RAP1GAP2: variants seen among roughly 807,000 people sequenced by gnomAD.
RAP1GAP2 encodes the protein RAP1 GTPase activating protein 2, also known as rap1 GTPase-activating protein 2.
In RAP1GAP2, 27 loss-of-function variants were observed where a neutral mutation model predicts 95.0. The observed-to-expected ratio is 0.28, with a 90% CI of 0.21 to 0.39. The LOEUF is 0.39. Ranked by LOEUF, RAP1GAP2 falls within the 10% of genes least tolerant of loss-of-function variation. RAP1GAP2 has a pLI of 1.00. For missense variants in RAP1GAP2, 771 were observed against 970.0 expected (o/e 0.79, Z 2.72); for synonymous variants, 373 against 380.9 (o/e 0.98, Z 0.24).
At position 3,003,510 on chromosome 17, in the gene RAP1GAP2, C is replaced by T. The variant is rs754996506; in HGVS notation, c.1201-1859C>T. Among the ~76,000 whole-genome samples, 2 of 152,120 alleles carry T rather than the reference C, an allele frequency of 1.3e-5. No individual in the cohort carries two copies. Among genetic ancestry groups the T allele is most frequent in the South Asian group, 4.1e-4 (2 of 4,826 alleles). On this transcript the variant is annotated intron_variant, in intron 14 of 24. Coordinates refer to ENST00000254695, the MANE Select transcript of RAP1GAP2 (RefSeq NM_015085.5). This position sits in a 1 kb window ranked among gnomAD's most constrained non-coding sequence, Gnocchi z 4.1. ...CGACTTGTCTGTTGCTCGGACGATG[C>T]TCTGTGTGCCACCGCGGCTCCCAGG...
At chr17:2,944,975 C>T (rs570826897) in intron 3 of RAP1GAP2, among the ~76,000 whole-genome samples, 3 of 152,190 alleles carry the variant, frequency 2.0e-5, no homozygotes, top group South Asian at 2.1e-4. Context: ...CTCTGTCTCC[C>T]GGGTTCACGT....
At chr17:2,920,830 G>T (rs953005058) in intron 3 of RAP1GAP2, among the ~76,000 whole-genome samples, 17 of 152,160 alleles carry the variant, frequency 1.1e-4, no homozygotes, top group African/African-American at 4.1e-4. Flanking sequence ...ACTGAGACCG[G>T]CTCAGCAGCG....
At chr17:2,864,245 T>C (rs968552329) in intron 2 of RAP1GAP2, among the ~76,000 whole-genome samples, 24 of 152,168 alleles carry the variant, frequency 1.6e-4, no homozygotes, top group African/African-American at 5.8e-4. Flanking sequence ...GCCTGTCCTC[T>C]GGACCAGACA....
At chr17:2,843,530 A>G (rs1449063690) in intron 2 of RAP1GAP2, among the ~76,000 whole-genome samples, 2 of 151,584 alleles carry the variant, frequency 1.3e-5, no homozygotes, top group Admixed American at 6.6e-5. Flanking sequence ...CAAGTGATCC[A>G]CCCACCTCAG....
Position 2,866,668 on chromosome 17 carries a change from C to G in RAP1GAP2, c.81-38616C>G, listed in dbSNP as rs536190583. Among the ~76,000 whole-genome samples, 6 of 152,176 alleles carry G rather than the reference C, an allele frequency of 3.9e-5. No homozygotes were observed. Among genetic ancestry groups the G allele is most frequent in the Admixed American group, 3.3e-4 (5 of 15,284 alleles). ...AGGCTGGAGTGCAGTGGTGCGATCT[C>G]GGCTCACTGCAGCCTCCGCCTCCCG... On this transcript the variant is annotated intron_variant, in intron 2 of 24. Coordinates refer to ENST00000254695, the MANE Select transcript of RAP1GAP2 (RefSeq NM_015085.5). The surrounding 1 kb of genome is among the most constrained non-coding windows in gnomAD (Gnocchi z 4.0).
intron 3 of RAP1GAP2, among the ~76,000 whole-genome samples, chr17:2,933,496 G>A (rs907340376): frequency 6.6e-6 from 1 of 152,146 alleles, no homozygotes. Context: ...TTTTCCGGGA[G>A]GCCAACACCT....
At chr17:2,926,469 A>T (rs1173863855) in intron 3 of RAP1GAP2, among the ~76,000 whole-genome samples, 2 of 152,200 alleles carry the variant, frequency 1.3e-5, no homozygotes, top group Non-Finnish European at 2.9e-5. Context: ...TATGTGCCCC[A>T]GAGCATCGCA....
At chr17:2,879,684 C>T (rs1008778138) in intron 2 of RAP1GAP2, among the ~76,000 whole-genome samples, 2 of 151,514 alleles carry the variant, frequency 1.3e-5, no homozygotes, top group Non-Finnish European at 2.9e-5. Flanking sequence ...TGAGATCGCA[C>T]CATGGCACTC....
chr17:2,858,948 A>G (rs980373644), intron 2 of RAP1GAP2, among the ~76,000 whole-genome samples: 1 of 152,058 alleles, frequency 6.6e-6, no homozygotes, highest in Non-Finnish European at 1.5e-5. Context: ...TACCGTTATT[A>G]TACCCTCTAA....
rs182331132 is a variant in RAP1GAP2, at chr17:2,881,224, G to A, written c.81-24060G>A. On this transcript the variant is annotated intron_variant, in intron 2 of 24. Transcript: ENST00000254695. ...TGGAGTGAGCCGAGATCGTGCCACT[G>A]CACTCCAGCCTGGGGGACAGAGTGA... Among the ~76,000 whole-genome samples, 1,018 of 151,234 alleles carry A rather than the reference G, an allele frequency of 6.7e-3. 13 individuals carry two copies. Among genetic ancestry groups the A allele is most frequent in the African/African-American group, 0.022 (909 of 41,088 alleles).
chr17:2,938,237 G>C (rs1050527101), intron 3 of RAP1GAP2, among the ~76,000 whole-genome samples: 1 of 152,160 alleles, frequency 6.6e-6, no homozygotes, highest in Non-Finnish European at 1.5e-5. Flanking sequence ...GAGGCTGAGT[G>C]ACCAACCCAT....
intron 2 of RAP1GAP2, among the ~76,000 whole-genome samples, chr17:2,883,659 T>A (rs901089287): frequency 6.6e-6 from 1 of 152,234 alleles, no homozygotes; most frequent in Non-Finnish European, 1.5e-5. Flanking sequence ...CTCTTCTATC[T>A]GCGGCCTAGA....
intron 2 of RAP1GAP2, among the ~76,000 whole-genome samples, chr17:2,880,529 T>C (rs2073246489): frequency 6.6e-6 from 1 of 151,756 alleles, no homozygotes; most frequent in African/African-American, 2.4e-5. Context: ...AGTATACGGT[T>C]CCGTGGCATC....
rs1257002731 is a variant in RAP1GAP2, at chr17:2,896,477, ACT to A, written c.81-8804_81-8803del. Among the ~76,000 whole-genome samples, 3 of 151,802 alleles carry A rather than the reference ACT, an allele frequency of 2.0e-5. No homozygotes were observed. The East Asian group carries it at 5.8e-4, about 29-fold the overall frequency. On this transcript the variant is annotated intron_variant, in intron 2 of 24. Transcript: ENST00000254695. ...TGAGGTCCAGCTCTCGTATTTTCTG[ACT>A]CTGTGACCCCAGGCTCACATAGAAC...
chr17:2,757,129 T>A (rs1328513622), intron 1 of RAP1GAP2, among the ~76,000 whole-genome samples: 1 of 151,630 alleles, frequency 6.6e-6, no homozygotes, highest in Non-Finnish European at 1.5e-5. Flanking sequence ...TATTTAATTC[T>A]TTTTTTTGAG....
intron 3 of RAP1GAP2, among the ~76,000 whole-genome samples, chr17:2,941,209 C>CT (rs2043484611): frequency 6.6e-6 from 1 of 152,160 alleles, no homozygotes; most frequent in Admixed American, 6.5e-5. Context: ...TGAGACCAGC[C>CT]TGGCCAACGT....
exon 1 of RAP1GAP2, chr17:2,755,709 G>A (rs1410758617): frequency 6.1e-6 from 2 of 325,304 alleles, no homozygotes; most frequent in South Asian, 1.4e-4. Context: ...GGGAGCGGCC[G>A]GGCGAGGCAT....
chr17:2,770,702 G>A (rs149653328), intron 2 of RAP1GAP2, among the ~76,000 whole-genome samples: 14 of 152,290 alleles, frequency 9.2e-5, no homozygotes, highest in Middle Eastern at 3.4e-3. Context: ...ACTTCTCTTG[G>A]GAGATTATAA....
At chr17:2,982,322 A>G (rs1163255126) in intron 10 of RAP1GAP2, among the ~76,000 whole-genome samples, 2 of 152,140 alleles carry the variant, frequency 1.3e-5, no homozygotes, top group Non-Finnish European at 2.9e-5. Flanking sequence ...TATTTTTAGT[A>G]GAGACGGGCG....
Sources: allele counts gnomAD v4.1 joint callset (sites outside exome capture counted in the v4.1 genomes callset), GRCh38; gene constraint gnomAD v4.1.1; non-coding constraint Gnocchi (gnomAD v3.1); transcripts MANE v1.5; gene names NCBI Gene and HGNC (gene_info 2026-07-23, HGNC 2026-07-21).